The following CSMD1 variants were observed in gnomAD, a reference collection of about 807,000 sequenced individuals.
The protein encoded by CSMD1 is CUB and Sushi multiple domains 1, also known as CUB and sushi domain-containing protein 1.
A neutral mutation model predicts 417.5 loss-of-function variants in CSMD1; 213 were observed. The ratio of observed to expected loss-of-function variants is 0.51; its 90% CI spans 0.46 to 0.57. The LOEUF is 0.57. Among genes scored for constraint, CSMD1 ranks in the 20% least tolerant of loss-of-function variants. The pLI, the probability that CSMD1 is intolerant of heterozygous loss-of-function variation, is 0.00. For missense variants in CSMD1, 6,923 were observed against 4,529.7 expected (o/e 1.53, Z -15.17); for synonymous variants, 2,862 against 1,736.8 (o/e 1.65, Z -16.11).
intron 3 of CSMD1, among the ~76,000 whole-genome samples, chr8:4,375,015 G>T (rs62479539): frequency 0.025 from 3,758 of 150,708 alleles, 80 homozygotes; most frequent in Middle Eastern, 0.042. Flanking sequence ...TGGGGACAGG[G>T]CAGGGAGCTA....
chr8:3,469,714 A>G (rs780201053), intron 11 of CSMD1, among the ~76,000 whole-genome samples: 1 of 152,222 alleles, frequency 6.6e-6, no homozygotes, highest in African/African-American at 2.4e-5. Context: ...CAATCATATC[A>G]TCTGTCTATC....
intron 12 of CSMD1, among the ~76,000 whole-genome samples, chr8:3,450,047 C>A (rs1240317406): frequency 1.3e-5 from 2 of 152,168 alleles, no homozygotes; most frequent in Non-Finnish European, 2.9e-5. Flanking sequence ...GCCTCTCCTT[C>A]CCTGGTTGAG....
intron 27 of CSMD1, among the ~76,000 whole-genome samples, chr8:3,229,312 T>C (rs1314308300): frequency 6.6e-6 from 1 of 152,226 alleles, no homozygotes; most frequent in East Asian, 1.9e-4. Flanking sequence ...TAAAGTTCAG[T>C]AGTTTCTTTT....
intron 3 of CSMD1, among the ~76,000 whole-genome samples, chr8:4,414,226 C>A (rs1475493202): frequency 6.6e-6 from 1 of 152,114 alleles, no homozygotes; most frequent in Non-Finnish European, 1.5e-5. Context: ...GAAAATCATG[C>A]TTGAGGGATG....
intron 6 of CSMD1, among the ~76,000 whole-genome samples, chr8:3,713,441 C>T (rs1801642249): frequency 6.6e-6 from 1 of 152,152 alleles, no homozygotes; most frequent in African/African-American, 2.4e-5. Context: ...GCTGGAGCGT[C>T]CTGCCCTCCT....
Position 3,544,047 on chromosome 8 carries a change from C to G in CSMD1, c.1344+30898G>C, listed in dbSNP as rs141500213. Reference sequence around the variant, plus strand: ...AAACAGTCTTCCACAGGTGAAGTGTCCAGTGCTAACCACAGGCCAAGGTGT... The same window carrying G: ...AAACAGTCTTCCACAGGTGAAGTGTGCAGTGCTAACCACAGGCCAAGGTGT... On this transcript the variant is annotated intron_variant, in intron 10 of 69. Coordinates refer to ENST00000635120, the MANE Select transcript of CSMD1 (RefSeq NM_033225.6). 3.6e-3 allele frequency among the ~76,000 whole-genome samples: 554 copies of G among 152,160 alleles called. 4 individuals carry two copies. Among genetic ancestry groups the G allele is most frequent in the African/African-American group, 0.013 (539 of 41,524 alleles).
intron 21 of CSMD1, among the ~76,000 whole-genome samples, chr8:3,358,434 C>G (rs1010803583): frequency 6.6e-6 from 1 of 152,134 alleles, no homozygotes; most frequent in Non-Finnish European, 1.5e-5. Context: ...GACAACACAC[C>G]CTATTTAAGC....
At chr8:4,306,438 G>A (rs1272858701) in intron 3 of CSMD1, among the ~76,000 whole-genome samples, 1 of 152,142 alleles carries the variant, frequency 6.6e-6, no homozygotes, top group Non-Finnish European at 1.5e-5. Flanking sequence ...AAGTTCAATT[G>A]ATAAAAAATA....
intron 3 of CSMD1, among the ~76,000 whole-genome samples, chr8:4,411,699 C>T (rs1020870933): frequency 4.6e-5 from 7 of 152,098 alleles, no homozygotes; most frequent in Non-Finnish European, 1.0e-4. Context: ...TGAATGCTCA[C>T]GAAAGCATAT....
chr8:3,779,513 T>C (rs371131755), intron 5 of CSMD1, among the ~76,000 whole-genome samples: 4 of 152,178 alleles, frequency 2.6e-5, no homozygotes, highest in East Asian at 1.9e-4. Context: ...AAATATGTGA[T>C]GGAAAATTAC....
chr8:3,892,290 T>C (rs568315678), intron 5 of CSMD1, among the ~76,000 whole-genome samples: 1 of 152,262 alleles, frequency 6.6e-6, no homozygotes, highest in East Asian at 1.9e-4. Context: ...CAACTACACA[T>C]CACTCAACGC....
At chr8:3,592,242 G>T (rs1800883212) in intron 8 of CSMD1, among the ~76,000 whole-genome samples, 1 of 152,070 alleles carries the variant, frequency 6.6e-6, no homozygotes, top group Non-Finnish European at 1.5e-5. Flanking sequence ...TAGATGGATA[G>T]ATAGCTATAG....
chr8:3,242,236 T>A (rs1272273022), intron 26 of CSMD1, among the ~76,000 whole-genome samples: 1 of 151,302 alleles, frequency 6.6e-6, no homozygotes, highest in Non-Finnish European at 1.5e-5. Flanking sequence ...GATAAAAGGA[T>A]TATAGAGTGG....
chr8:4,132,063 G>C (rs1013009669), intron 3 of CSMD1, among the ~76,000 whole-genome samples: 3 of 151,996 alleles, frequency 2.0e-5, no homozygotes, highest in South Asian at 2.1e-4. Context: ...TAAAAGCAAA[G>C]CATTATAGAT....
intron 10 of CSMD1, among the ~76,000 whole-genome samples, chr8:3,539,713 A>G (rs1326247761): frequency 6.6e-6 from 1 of 152,030 alleles, no homozygotes; most frequent in Non-Finnish European, 1.5e-5. Context: ...GTTTAAAATT[A>G]AAAACATATC....
intron 26 of CSMD1, among the ~76,000 whole-genome samples, chr8:3,263,697 ACAATAGTATTTGAATCACTTATCC>A (rs1418783650): frequency 3.9e-5 from 6 of 152,234 alleles, no homozygotes; most frequent in African/African-American, 1.4e-4. Context: ...AATACTGTTC[ACAATAGTATTTGAATCACTTATCC>A]CAATTAAGTT....
At chr8:4,771,871 C>G (rs546588974) in intron 1 of CSMD1, among the ~76,000 whole-genome samples, 1 of 152,288 alleles carries the variant, frequency 6.6e-6, no homozygotes, top group East Asian at 1.9e-4. Context: ...AGTCTGTGCT[C>G]AAAGCGGTGG....
At chr8:4,246,015 TTG>T (rs1251653931) in intron 3 of CSMD1, among the ~76,000 whole-genome samples, 6 of 152,154 alleles carry the variant, frequency 3.9e-5, no homozygotes, top group African/African-American at 7.2e-5. Context: ...GGTCAGTTAT[TTG>T]TTGTTGTTGT....
intron 5 of CSMD1, among the ~76,000 whole-genome samples, chr8:3,903,141 C>T (rs574672365): frequency 5.7e-4 from 87 of 152,212 alleles, no homozygotes; most frequent in Middle Eastern, 6.8e-3. Flanking sequence ...TTGGAGAAAC[C>T]TGTATGAGCT....
Sources: allele counts gnomAD v4.1 joint callset (sites outside exome capture counted in the v4.1 genomes callset), GRCh38; gene constraint gnomAD v4.1.1; transcripts MANE v1.5; gene names NCBI Gene and HGNC (gene_info 2026-07-23, HGNC 2026-07-21).